CFAP77: variants seen among roughly 807,000 people sequenced by gnomAD.
The protein encoded by CFAP77 is cilia- and flagella-associated protein 77.
In CFAP77, 25 loss-of-function variants were observed where a neutral mutation model predicts 31.1. That is an observed-to-expected ratio of 0.80 (90% confidence interval 0.59 to 1.12). The LOEUF (loss-of-function observed/expected upper bound fraction) is 1.12, where lower values mean the gene tolerates loss of function less well. Among genes scored for constraint, CFAP77 ranks in the 50% most tolerant of loss-of-function variants. The pLI, the probability that CFAP77 is intolerant of heterozygous loss-of-function variation, is 0.00. For missense variants in CFAP77, 377 were observed against 397.3 expected (o/e 0.95, Z 0.44); for synonymous variants, 151 against 159.9 (o/e 0.94, Z 0.42).
chr9:132,517,096 T>C lies in CFAP77; in HGVS notation c.524+17496T>C, dbSNP rs2119007841. Among the ~76,000 whole-genome samples, 1 of 152,136 alleles carries C rather than the reference T, an allele frequency of 6.6e-6. No individual in the cohort carries two copies. Among genetic ancestry groups the C allele is most frequent in the Admixed American group, 6.5e-5 (1 of 15,284 alleles). On this transcript the variant is annotated intron_variant, in intron 3 of 5. Coordinates refer to ENST00000393216, the MANE Select transcript of CFAP77 (RefSeq NM_001282957.2). This position sits in a 1 kb window ranked among gnomAD's most constrained non-coding sequence, Gnocchi z 4.7. ...GAGAGGGTGGATCTCCCTAGACGGCTCCACTTCTGGGTGTCCCTCATGGAT... is the reference window on the plus strand; with the variant it reads ...GAGAGGGTGGATCTCCCTAGACGGCCCCACTTCTGGGTGTCCCTCATGGAT...
At chr9:132,470,184 C>T (rs979176437) in intron 1 of CFAP77, among the ~76,000 whole-genome samples, 4 of 152,134 alleles carry the variant, frequency 2.6e-5, no homozygotes, top group Admixed American at 2.0e-4. Flanking sequence ...AAGCCATCTC[C>T]GTGTGCAGCA....
intron 1 of CFAP77, among the ~76,000 whole-genome samples, chr9:132,465,064 ACT>A (rs1302572228): frequency 7.3e-6 from 1 of 136,884 alleles, no homozygotes; most frequent in Non-Finnish European, 1.5e-5. Context: ...ACAGAGCGAG[ACT>A]CTGTCTCAAA....
intron 1 of CFAP77, 123 bp downstream of exon 1, chr9:132,410,589 C>T (rs1849974238): frequency 2.3e-6 from 2 of 854,888 alleles, no homozygotes; most frequent in African/African-American, 1.8e-5. Context: ...GTGGGAAGCT[C>T]CAGCTCTGGT....
chr9:132,535,406 C>T (rs1200212497), intron 3 of CFAP77, among the ~76,000 whole-genome samples: 4 of 152,112 alleles, frequency 2.6e-5, no homozygotes, highest in Non-Finnish European at 5.9e-5. Context: ...ATATTCTGCC[C>T]AAATCTCTTT....
intron 5 of CFAP77, among the ~76,000 whole-genome samples, chr9:132,562,942 C>T (rs183629717): frequency 6.6e-6 from 1 of 152,200 alleles, no homozygotes; most frequent in East Asian, 1.9e-4. Context: ...TCGTGATCTG[C>T]CTGCCTCAGC....
At chr9:132,431,210 G>A (rs1267417194) in intron 1 of CFAP77, among the ~76,000 whole-genome samples, 4 of 152,222 alleles carry the variant, frequency 2.6e-5, no homozygotes, top group Non-Finnish European at 2.9e-5. Flanking sequence ...ATGAACTTCC[G>A]TCCACTGCAG....
chr9:132,542,909 G>A (rs1330362284), intron 4 of CFAP77, 37 bp from the exon 5 acceptor site: 1 of 1,536,798 alleles, frequency 6.5e-7, no homozygotes, highest in African/African-American at 1.4e-5. Flanking sequence ...CAAGTAGCCG[G>A]GCAACCATCT....
chr9:132,498,445 C>A lies in CFAP77; in HGVS notation c.196-250C>A, dbSNP rs372081546. ...CAACAATACACATGTACCGAGAGGC[C>A]CCCCGTCTCTGATGTCTTCACTTGC... On this transcript the variant is annotated intron_variant, in intron 1 of 5. Transcript: ENST00000393216. This position sits in a 1 kb window ranked among gnomAD's most constrained non-coding sequence, Gnocchi z 4.2. Among the ~76,000 whole-genome samples the A allele has an allele frequency of 5.9e-5, 9 of 152,224 alleles. No individual in the cohort carries two copies. The East Asian group carries it at 1.5e-3, about 26-fold the overall frequency.
intron 3 of CFAP77, among the ~76,000 whole-genome samples, chr9:132,534,127 G>A (rs371793882): frequency 4.3e-4 from 66 of 152,186 alleles, no homozygotes; most frequent in African/African-American, 1.2e-3. Context: ...CATATAAAGG[G>A]CTGGTCATTT....
At chr9:132,496,517 C>T (rs974118520) in intron 1 of CFAP77, among the ~76,000 whole-genome samples, 4 of 152,230 alleles carry the variant, frequency 2.6e-5, no homozygotes, top group African/African-American at 9.7e-5. Context: ...TGTCCCCAGC[C>T]CTGGCAACCA....
Position 132,481,932 on chromosome 9 carries a change from T to C in CFAP77, c.196-16763T>C, listed in dbSNP as rs1480030368. Among the ~76,000 whole-genome samples, 1 of 144,950 alleles carries C rather than the reference T, an allele frequency of 6.9e-6. No individual in the cohort carries two copies. Among genetic ancestry groups the C allele is most frequent in the Non-Finnish European group, 1.5e-5 (1 of 66,552 alleles). On this transcript the variant is annotated intron_variant, in intron 1 of 5. Transcript: ENST00000393216. This position sits in a 1 kb window ranked among gnomAD's most constrained non-coding sequence, Gnocchi z 5.0. The stretch of plus-strand genomic sequence containing the variant: ...CACTGGAGCGGGCGTTTTCATCTGT[T>C]CTCAGGAAGGAACAAGGGTTTATGG...
chr9:132,520,638 T>A (rs1056081194), intron 3 of CFAP77, among the ~76,000 whole-genome samples: 2 of 152,130 alleles, frequency 1.3e-5, no homozygotes, highest in Admixed American at 1.3e-4. Context: ...ATAAATAAAT[T>A]AATTAAAAGA....
At chr9:132,516,178 G>A (rs1852142959) in intron 3 of CFAP77, among the ~76,000 whole-genome samples, 1 of 152,082 alleles carries the variant, frequency 6.6e-6, no homozygotes, top group East Asian at 1.9e-4. Context: ...CCAGGCATTT[G>A]GACTTTTATG....
intron 1 of CFAP77, among the ~76,000 whole-genome samples, chr9:132,465,722 G>GTA (rs766183493): frequency 5.9e-5 from 9 of 152,194 alleles, no homozygotes; most frequent in Non-Finnish European, 1.2e-4. Flanking sequence ...TACCCATAAC[G>GTA]TTTTCTAAAA....
chr9:132,433,916 C>T (rs997969369), intron 1 of CFAP77, among the ~76,000 whole-genome samples: 5 of 148,196 alleles, frequency 3.4e-5, no homozygotes, highest in Non-Finnish European at 7.4e-5. Context: ...ACTTTGGGAT[C>T]ACTTGAGTCC....
At chr9:132,459,780 G>A (rs1851013437) in intron 1 of CFAP77, among the ~76,000 whole-genome samples, 1 of 150,820 alleles carries the variant, frequency 6.6e-6, no homozygotes, top group African/African-American at 2.4e-5. Context: ...GTGTGTGAGA[G>A]CGTGTGTGTA....
chr9:132,534,610 CAAAAAA>C (rs201151199), intron 3 of CFAP77, among the ~76,000 whole-genome samples: 1 of 64,116 alleles, frequency 1.6e-5, no homozygotes. Context: ...GACTCTGTCT[CAAAAAA>C]AAAAAAAAAA....
intron 3 of CFAP77, among the ~76,000 whole-genome samples, chr9:132,534,232 C>A (rs1434895268): frequency 6.6e-6 from 1 of 152,178 alleles, no homozygotes; most frequent in East Asian, 1.9e-4. Context: ...TTCCCTAGAT[C>A]CATTATTTCA....
At chr9:132,461,028 A>T (rs925277225) in intron 1 of CFAP77, among the ~76,000 whole-genome samples, 1 of 152,156 alleles carries the variant, frequency 6.6e-6, no homozygotes, top group Non-Finnish European at 1.5e-5. Flanking sequence ...GCCTGGCCAA[A>T]AGGGTCAATT....
Sources: gnomAD v4.1 joint callset for allele counts (sites outside exome capture counted in the v4.1 genomes callset) on GRCh38, gnomAD v4.1.1 for gene constraint, Gnocchi (gnomAD v3.1) non-coding constraint, MANE v1.5 for transcripts, NCBI Gene and HGNC (gene_info 2026-07-23, HGNC 2026-07-21) for gene names.